AADACL4: variants seen among roughly 807,000 people sequenced by gnomAD.
AADACL4 encodes the protein arylacetamide deacetylase like 4.
Under a neutral mutation model 14.1 loss-of-function variants are expected in AADACL4, and 9 were observed. The observed-to-expected ratio is 0.64, with a 90% CI of 0.39 to 1.12. The LOEUF (loss-of-function observed/expected upper bound fraction) is 1.12. Ranked by LOEUF, AADACL4 falls within the 50% of genes most tolerant of loss-of-function variation. The probability of loss-of-function intolerance (pLI) is 0.01; values close to 1 mark genes in which losing one functional copy is unlikely to be tolerated. For missense variants in AADACL4, 531 were observed against 516.1 expected (o/e 1.03, Z -0.28); for synonymous variants, 188 against 201.6 (o/e 0.93, Z 0.57).
In AADACL4 at chr1:12,651,185, T is replaced by C. The variant is rs1402774985; in HGVS notation, c.231T>C (p.Asp77=). The change falls in exon 2 of 4, where the codon GAT becomes GAC. Residue 77 remains aspartate, a synonymous_variant. Coordinates refer to ENST00000376221, the MANE Select transcript of AADACL4 (RefSeq NM_001013630.2). The part of the protein sequence containing the change: ...SMPKFIRFLH[D]SVRIKKDPEL... Reference sequence around the variant, plus strand: ...CCAAATTTATTCGTTTTTTACATGATAGCGTGAGAATTAAAAAGGACCCTG... The same window carrying C: ...CCAAATTTATTCGTTTTTTACATGACAGCGTGAGAATTAAAAAGGACCCTG... The C allele has an allele frequency of 2.5e-6, 4 of 1,614,124 alleles. No homozygotes were observed. The highest frequency in any genetic ancestry group is 2.7e-5 in the African/African-American group (2 of 74,948).
intron 3 of AADACL4, among the ~76,000 whole-genome samples, chr1:12,663,577 A>G (rs1260986252): frequency 6.6e-6 from 1 of 152,186 alleles, no homozygotes; most frequent in Non-Finnish European, 1.5e-5. Flanking sequence ...AGGGGGACAC[A>G]CACATTCAGT....
chr1:12,656,615 G>A (rs994989617), intron 2 of AADACL4, among the ~76,000 whole-genome samples: 5 of 152,212 alleles, frequency 3.3e-5, no homozygotes, highest in African/African-American at 1.2e-4. Context: ...GTGTGAGGAA[G>A]AAGCATGAGA....
intron 1 of AADACL4, among the ~76,000 whole-genome samples, chr1:12,645,907 T>C (rs530490293): frequency 6.6e-6 from 1 of 152,336 alleles, no homozygotes; most frequent in Admixed American, 6.5e-5. Flanking sequence ...GCCTGGTATC[T>C]GGTAGGTGCT....
chr1:12,648,407 T>G (rs1647125518), intron 1 of AADACL4, among the ~76,000 whole-genome samples: 1 of 151,386 alleles, frequency 6.6e-6, no homozygotes, highest in African/African-American at 2.4e-5. Context: ...CCTTCTTTCC[T>G]TTTTTTTGAG....
chr1:12,652,055 C>T (rs1444483563), intron 2 of AADACL4, among the ~76,000 whole-genome samples: 3 of 151,622 alleles, frequency 2.0e-5, no homozygotes, highest in African/African-American at 4.9e-5. Flanking sequence ...GATCTCCTGA[C>T]CTCATGATCT....
chr1:12,649,013 C>CT (rs1647129440), intron 1 of AADACL4, among the ~76,000 whole-genome samples: 1 of 152,134 alleles, frequency 6.6e-6, no homozygotes, highest in African/African-American at 2.4e-5. Context: ...GTGCTGAGAC[C>CT]TTTGCTCATG....
chr1:12,652,751 C>T (rs1647156551), intron 2 of AADACL4, among the ~76,000 whole-genome samples: 1 of 152,094 alleles, frequency 6.6e-6, no homozygotes, highest in African/African-American at 2.4e-5. Flanking sequence ...TATGGTGTCC[C>T]CATAACTGTC....
At chr1:12,661,077 G>A (rs753851949) in intron 2 of AADACL4, among the ~76,000 whole-genome samples, 15 of 152,112 alleles carry the variant, frequency 9.9e-5, no homozygotes, top group Non-Finnish European at 2.1e-4. Context: ...CAGAACCATT[G>A]TCATCTCCCT....
chr1:12,657,439 T>C lies in AADACL4; in HGVS notation c.386-4352T>C, dbSNP rs138235351. Among the ~76,000 whole-genome samples the C allele has an allele frequency of 5.6e-3, 846 of 152,242 alleles. 30 individuals carry two copies. Among genetic ancestry groups the C allele is most frequent in the Admixed American group, 0.05 (772 of 15,288 alleles). ...CTCGCCACAAAGATGATACTGCTGG[T>C]CTGGGGGAGGTCCCCAAATGCCATT... On this transcript the variant is annotated intron_variant, in intron 2 of 3. Transcript: ENST00000376221.
intron 2 of AADACL4, among the ~76,000 whole-genome samples, chr1:12,656,522 AG>A (rs982389159): frequency 2.6e-5 from 4 of 152,228 alleles, no homozygotes; most frequent in African/African-American, 9.6e-5. Context: ...GGGACCTTGA[AG>A]GGAGCACTTG....
intron 2 of AADACL4, among the ~76,000 whole-genome samples, chr1:12,653,943 T>C (rs758987026): frequency 2.6e-5 from 4 of 152,168 alleles, no homozygotes; most frequent in African/African-American, 4.8e-5. Flanking sequence ...ATCCCCCCCT[T>C]TCTAGCTCTA....
chr1:12,658,139 C>T (rs139349769), intron 2 of AADACL4, among the ~76,000 whole-genome samples: 4,719 of 84,286 alleles, frequency 0.056, 306 homozygotes, highest in African/African-American at 0.2. Context: ...TTCCTTCCTT[C>T]CTTTCTTTCT....
chr1:12,648,080 C>G (rs1382905530), intron 1 of AADACL4, among the ~76,000 whole-genome samples: 3 of 152,152 alleles, frequency 2.0e-5, no homozygotes, highest in Non-Finnish European at 4.4e-5. Flanking sequence ...AAGCGATTCT[C>G]CTGCCTCAGC....
intron 1 of AADACL4, among the ~76,000 whole-genome samples, chr1:12,645,513 A>G (rs1647106227): frequency 6.6e-6 from 1 of 151,736 alleles, no homozygotes; most frequent in Admixed American, 6.6e-5. Context: ...TTTCACCCTC[A>G]GTGCACTGAC....
At chr1:12,656,337 A>C (rs754177466) in intron 2 of AADACL4, among the ~76,000 whole-genome samples, 2 of 152,180 alleles carry the variant, frequency 1.3e-5, no homozygotes, top group African/African-American at 2.4e-5. Context: ...TGTCCTCGGC[A>C]TCTAGGCATC....
intron 2 of AADACL4, among the ~76,000 whole-genome samples, chr1:12,656,111 A>C (rs1647177964): frequency 6.6e-6 from 1 of 152,198 alleles, no homozygotes; most frequent in African/African-American, 2.4e-5. Flanking sequence ...AGGGGAGTTG[A>C]CAGAGACGGA....
In AADACL4 at chr1:12,648,987, G is replaced by A. The variant is rs148713458; in HGVS notation, c.169-2136G>A. Among the ~76,000 whole-genome samples, 766 of 152,306 alleles carry A rather than the reference G, an allele frequency of 5.0e-3. 2 individuals carry two copies. Among genetic ancestry groups the A allele is most frequent in the African/African-American group, 0.017 (726 of 41,564 alleles). On this transcript the variant is annotated intron_variant, in intron 1 of 3. Coordinates refer to ENST00000376221, the MANE Select transcript of AADACL4 (RefSeq NM_001013630.2). Reference sequence around the variant, plus strand: ...ACAAACGTTTCCTGTTCTAGATGCTGGAGACAGAGGGGAAGGTGCTGAGAC... The same window carrying A: ...ACAAACGTTTCCTGTTCTAGATGCTAGAGACAGAGGGGAAGGTGCTGAGAC...
In AADACL4 at chr1:12,666,767, CA is replaced by C. The variant is rs1557554597; in HGVS notation, c.*34del. ...CCCTGGGGCCCCGAGGAGGAAGGGG[CA>C]AGTATGGACTCTACCAGAAACCGGG... On this transcript the variant is annotated 3_prime_UTR_variant, in exon 4 of 4. Coordinates refer to ENST00000376221, the MANE Select transcript of AADACL4 (RefSeq NM_001013630.2). 2.6e-6 allele frequency: 4 copies of C among 1,549,516 alleles called. No homozygotes were observed. Among genetic ancestry groups the C allele is most frequent in the Non-Finnish European group, 2.6e-6 (3 of 1,153,862 alleles).
chr1:12,657,371 T>C (rs1187403447), intron 2 of AADACL4, among the ~76,000 whole-genome samples: 1 of 152,034 alleles, frequency 6.6e-6, no homozygotes, highest in Non-Finnish European at 1.5e-5. Flanking sequence ...GACTTACCAA[T>C]TGCCAGTGGT....
Sources: gnomAD v4.1 joint callset for allele counts (sites outside exome capture counted in the v4.1 genomes callset) on GRCh38, gnomAD v4.1.1 for gene constraint, MANE v1.5 for transcripts, NCBI Gene and HGNC (gene_info 2026-07-23, HGNC 2026-07-21) for gene names.